NDUFAF7: variants seen among roughly 807,000 people sequenced by gnomAD.
The protein encoded by NDUFAF7 is protein arginine methyltransferase NDUFAF7, mitochondrial.
NDUFAF7 carries 48 observed loss-of-function variants against 47.2 expected under a neutral mutation model. That is an observed-to-expected ratio of 1.02 (90% CI 0.81 to 1.29). The LOEUF (loss-of-function observed/expected upper bound fraction) is 1.29, where lower values mean the gene tolerates loss of function less well. Among genes scored for constraint, NDUFAF7 ranks in the 50% most tolerant of loss-of-function variants. The probability of loss-of-function intolerance (pLI) is 0.00; values close to 1 mark genes in which losing one functional copy is unlikely to be tolerated. For missense variants in NDUFAF7, 635 were observed against 537.6 expected, an observed-to-expected ratio of 1.18 and a Z score of -1.79; for synonymous variants, 217 against 190.0, an observed-to-expected ratio of 1.14 and a Z score of -1.17.
downstream of NDUFAF7, chr2:37,257,003 CTGTA>C (rs1668006111): frequency 1.3e-5 from 19 of 1,459,586 alleles, no homozygotes; most frequent in Admixed American, 3.5e-5. Context: ...AAATATAACA[CTGTA>C]TGTATCATTT....
intron 4 of NDUFAF7, among the ~76,000 whole-genome samples, chr2:37,238,905 C>CAAAAAAAA (rs35512230): frequency 2.1e-5 from 2 of 93,072 alleles, no homozygotes; most frequent in Non-Finnish European, 2.1e-5. Context: ...GCTAAAAAAG[C>CAAAAAAAA]AAAAAAAAAA....
the NDUFAF7 span, among the ~76,000 whole-genome samples, chr2:37,266,140 T>C: frequency 2.0e-5 from 3 of 152,178 alleles, no homozygotes; most frequent in Non-Finnish European, 2.9e-5. Context: ...AGGTACCTAC[T>C]TGACCACAAG....
At chr2:37,262,247 C>A in the NDUFAF7 span, among the ~76,000 whole-genome samples, 1 of 152,128 alleles carries the variant, frequency 6.6e-6, no homozygotes, top group Non-Finnish European at 1.5e-5. Context: ...TAAGATGTTT[C>A]TTGAAGCCTT....
At chr2:37,261,819 G>GT in the NDUFAF7 span, among the ~76,000 whole-genome samples, 1 of 152,110 alleles carries the variant, frequency 6.6e-6, no homozygotes, top group Non-Finnish European at 1.5e-5. Flanking sequence ...ACTTAACAAT[G>GT]GTTCAACTTA....
At chr2:37,233,296 A>G (rs1364911351) in intron 2 of NDUFAF7, among the ~76,000 whole-genome samples, 1 of 152,228 alleles carries the variant, frequency 6.6e-6, no homozygotes, top group Non-Finnish European at 1.5e-5. Context: ...TAGCAGTGAC[A>G]TGCAGGTGGA....
chr2:37,262,037 C>T, the NDUFAF7 span, among the ~76,000 whole-genome samples: 14 of 152,244 alleles, frequency 9.2e-5, no homozygotes, highest in South Asian at 1.5e-3. Context: ...GTAGGCTACA[C>T]GGGGCTAAGT....
At chr2:37,238,287 G>A (rs1205250936) in intron 4 of NDUFAF7, among the ~76,000 whole-genome samples, 1 of 151,908 alleles carries the variant, frequency 6.6e-6, no homozygotes, top group Non-Finnish European at 1.5e-5. Context: ...AAAATTAGCT[G>A]GGCATGGTGG....
chr2:37,235,889 A>T (rs1665701016), intron 2 of NDUFAF7, among the ~76,000 whole-genome samples: 1 of 151,886 alleles, frequency 6.6e-6, no homozygotes, highest in Admixed American at 6.6e-5. Context: ...CAATCTCCTG[A>T]CTTCGTGATC....
chr2:37,248,325 G>C lies in NDUFAF7; in HGVS notation c.1301G>C (p.Gly434Ala), dbSNP rs1667143927. ...AAACCCTTTGCATCCGTTGTAGCTGGGTTTAGTGAACTTGCTTGGCAGTGA... is the reference window on the plus strand; with the variant it reads ...AAACCCTTTGCATCCGTTGTAGCTGCGTTTAGTGAACTTGCTTGGCAGTGA... ...QSKPFASVVA[G>A]FSELAWQ Residue 434 changes from glycine (G) to alanine (A), a missense_variant, in exon 10 of 10, where the codon GGG becomes GCG. Gly to Ala is a moderately conservative substitution (Grantham distance 60). Transcript: ENST00000002125. The C allele has an allele frequency of 1.2e-6, 2 of 1,613,926 alleles. No individual in the cohort carries two copies. The highest frequency in any genetic ancestry group is 1.1e-5 in the South Asian group (1 of 91,088).
the NDUFAF7 span, among the ~76,000 whole-genome samples, chr2:37,261,647 G>A: frequency 6.9e-6 from 1 of 145,784 alleles, no homozygotes; most frequent in African/African-American, 2.6e-5. Flanking sequence ...GGGTGTGGTG[G>A]CGCAAGCCTG....
chr2:37,250,073 G>A (rs995409399), downstream of NDUFAF7, among the ~76,000 whole-genome samples: 4 of 151,366 alleles, frequency 2.6e-5, no homozygotes, highest in Non-Finnish European at 2.9e-5. Flanking sequence ...ATCATTAGTG[G>A]TGGTGTATTT....
chr2:37,247,709 C>G (rs1170174754), intron 9 of NDUFAF7, 80 bp downstream of exon 9: 2 of 1,495,744 alleles, frequency 1.3e-6, no homozygotes, highest in Admixed American at 3.4e-5. Flanking sequence ...GTTCACCTGG[C>G]CTTAATGCTC....
At chr2:37,247,074 AGT>A (rs1204939100) in intron 8 of NDUFAF7, among the ~76,000 whole-genome samples, 1 of 152,088 alleles carries the variant, frequency 6.6e-6, no homozygotes, top group African/African-American at 2.4e-5. Flanking sequence ...AGTAGTCACC[AGT>A]GTTTGTTCCC....
Position 37,242,700 on chromosome 2 carries a change from AGG to A in NDUFAF7, c.681+12_681+13del, listed in dbSNP as rs863224093. ...TCCTGTGCATAAATTTCAGGTATTG[AGG>A]GGGGAAAAAAGTCATGTCTATAATT... On this transcript the variant is annotated splice_region_variant and intron_variant, in intron 6 of 9. Transcript: ENST00000002125. 1.6e-3 allele frequency: 2,471 copies of A among 1,587,306 alleles called. 4 individuals are homozygous for A. The highest frequency in any genetic ancestry group is 2.0e-3 in the Non-Finnish European group (2,309 of 1,156,046).
At chr2:37,235,880 A>C (rs1665699651) in intron 2 of NDUFAF7, among the ~76,000 whole-genome samples, 1 of 151,948 alleles carries the variant, frequency 6.6e-6, no homozygotes, top group African/African-American at 2.4e-5. Flanking sequence ...GGATGGTCTC[A>C]ATCTCCTGAC....
chr2:37,240,932 A>G (rs1312230098), intron 4 of NDUFAF7, among the ~76,000 whole-genome samples: 1 of 152,250 alleles, frequency 6.6e-6, no homozygotes, highest in Non-Finnish European at 1.5e-5. Context: ...GCATATTCAT[A>G]TCTCAAAAGT....
At chr2:37,254,528 C>T (rs1667779748), downstream of NDUFAF7, among the ~76,000 whole-genome samples, 1 of 152,130 alleles carries the variant, frequency 6.6e-6, no homozygotes, top group Non-Finnish European at 1.5e-5. Context: ...AAAGTATATA[C>T]TCTGGAACCT....
At position 37,242,623 on chromosome 2, in the gene NDUFAF7, C is replaced by T. The variant is rs761156363; in HGVS notation, c.623-12C>T. 2 of 1,569,466 alleles carry T rather than the reference C, an allele frequency of 1.3e-6. No individual in the cohort carries two copies. Among genetic ancestry groups the T allele is most frequent in the South Asian group, 1.1e-5 (1 of 89,778 alleles). On this transcript the variant is annotated splice_polypyrimidine_tract_variant and intron_variant, in intron 5 of 9. Transcript: ENST00000002125. ...ATGTGGAAACATTAATTGTTTTCCT[C>T]TTTTTAAATAGGGTACAGCTTTTAT...
At chr2:37,253,450 G>C, downstream of NDUFAF7, 1 of 979,640 alleles carries the variant, frequency 1.0e-6, no homozygotes, top group Non-Finnish European at 1.5e-6. Flanking sequence ...TAGTGCCCTA[G>C]TCAAATAATT....
Sources: allele counts gnomAD v4.1 joint callset (sites outside exome capture counted in the v4.1 genomes callset), GRCh38; gene constraint gnomAD v4.1.1; transcripts MANE v1.5; gene names NCBI Gene and HGNC (gene_info 2026-07-23, HGNC 2026-07-21).